The following THSD7A variants were observed in gnomAD, a reference collection of about 807,000 sequenced individuals.
THSD7A encodes thrombospondin type-1 domain-containing protein 7A.
In THSD7A, 96 loss-of-function variants were observed where a neutral mutation model predicts 231.3. The observed-to-expected ratio is 0.41, with a 90% CI of 0.35 to 0.49. THSD7A has a LOEUF of 0.49. Ranked by LOEUF, THSD7A falls within the 20% of genes least tolerant of loss-of-function variation. THSD7A has a pLI of 0.05. For synonymous variants in THSD7A, 940 were observed against 743.3 expected (o/e 1.26, Z -4.30); for missense variants, 2,290 against 2,070.2 (o/e 1.11, Z -2.06).
chr7:11,392,547 T>G lies in THSD7A; in HGVS notation c.4411+9248A>C, dbSNP rs187349695. 7.1e-3 allele frequency among the ~76,000 whole-genome samples: 1,074 copies of G among 151,590 alleles called. 13 individuals are homozygous for G. The highest frequency in any genetic ancestry group is 0.025 in the African/African-American group (1,027 of 41,424). The stretch of plus-strand genomic sequence containing the variant: ...AGCAGGACCGAACTATTCACTCCCC[T>G]GGAAAGGGGGCTGAAGCCAGGGAGC... On this transcript the variant is annotated intron_variant, in intron 23 of 27. Coordinates refer to ENST00000423059, the MANE Select transcript of THSD7A (RefSeq NM_015204.3).
In THSD7A at chr7:11,769,135, ATATATATATATATATATATT is replaced by A. The variant is rs1488742385; in HGVS notation, c.190+62602_190+62621del. 7.4e-3 allele frequency among the ~76,000 whole-genome samples: 272 copies of A among 36,606 alleles called. 20 individuals are homozygous for A. The highest frequency in any genetic ancestry group is 0.013 in the Non-Finnish European group (214 of 16,338). The allele number at this position is 36,606 out of a possible 152,430, so 24.0% of individuals were successfully genotyped here. On this transcript the variant is annotated intron_variant, in intron 1 of 27. Coordinates refer to ENST00000423059, the MANE Select transcript of THSD7A (RefSeq NM_015204.3). ...ATAATTCCTGGCAATATATATATAT[ATATATATATATATATATATT>A]TTTTTTTTTTTTTGGTATTTTTGTA...
intron 1 of THSD7A, among the ~76,000 whole-genome samples, chr7:11,759,750 C>T (rs1179099863): frequency 6.6e-6 from 1 of 151,972 alleles, no homozygotes; most frequent in Non-Finnish European, 1.5e-5. Flanking sequence ...AAATATCTGT[C>T]AACCTAGAAT....
chr7:11,498,013 A>G (rs947303131), intron 6 of THSD7A, among the ~76,000 whole-genome samples: 2 of 152,120 alleles, frequency 1.3e-5, no homozygotes, highest in African/African-American at 4.8e-5. Flanking sequence ...AGCTATGTGG[A>G]GTCTTGGCAG....
At chr7:11,663,539 T>A (rs1199112403) in intron 1 of THSD7A, among the ~76,000 whole-genome samples, 1 of 151,714 alleles carries the variant, frequency 6.6e-6, no homozygotes, top group East Asian at 1.9e-4. Flanking sequence ...TATGAGCTTA[T>A]GTTGTAGAGT....
chr7:11,794,050 G>A (rs1244184535), intron 1 of THSD7A, among the ~76,000 whole-genome samples: 1 of 151,770 alleles, frequency 6.6e-6, no homozygotes, highest in African/African-American at 2.4e-5. Flanking sequence ...ATAATTGGAA[G>A]AAACAGGAAT....
intron 1 of THSD7A, among the ~76,000 whole-genome samples, chr7:11,756,085 C>T (rs1782665098): frequency 6.6e-6 from 1 of 152,044 alleles, no homozygotes; most frequent in Non-Finnish European, 1.5e-5. Flanking sequence ...TTAAATGTCA[C>T]TATATTCCAG....
chr7:11,424,079 T>C (rs922873104), intron 16 of THSD7A, among the ~76,000 whole-genome samples: 3 of 152,224 alleles, frequency 2.0e-5, no homozygotes, highest in East Asian at 1.9e-4. Context: ...CAAAAAATAC[T>C]GTATGTCTGC....
At chr7:11,658,449 T>C (rs1326877353) in intron 1 of THSD7A, among the ~76,000 whole-genome samples, 1 of 151,616 alleles carries the variant, frequency 6.6e-6, no homozygotes, top group Non-Finnish European at 1.5e-5. Flanking sequence ...TTTTTTTCAC[T>C]CAGATGGTGT....
At chr7:11,772,217 AC>A (rs919279871) in intron 1 of THSD7A, among the ~76,000 whole-genome samples, 1 of 151,890 alleles carries the variant, frequency 6.6e-6, no homozygotes, top group South Asian at 2.1e-4. Flanking sequence ...ACAAAAAAAA[AC>A]AAAACAAAAC....
intron 1 of THSD7A, among the ~76,000 whole-genome samples, chr7:11,719,617 C>T (rs1436868512): frequency 6.6e-6 from 1 of 151,610 alleles, no homozygotes; most frequent in Non-Finnish European, 1.5e-5. Context: ...GTGATCCCCT[C>T]AATGAGTTAT....
chr7:11,413,741 C>T (rs1236837641), intron 17 of THSD7A: 1 of 152,204 alleles, frequency 6.6e-6, no homozygotes, highest in Non-Finnish European at 1.5e-5. Flanking sequence ...CTAGCTACTC[C>T]TGCAGATGAC....
intron 1 of THSD7A, among the ~76,000 whole-genome samples, chr7:11,731,368 T>C (rs956082026): frequency 2.0e-5 from 3 of 151,670 alleles, no homozygotes; most frequent in African/African-American, 7.2e-5. Flanking sequence ...GAAAATAGAT[T>C]CTTCTTAATA....
At chr7:11,476,359 A>AC (rs1342744199) in intron 7 of THSD7A, among the ~76,000 whole-genome samples, 5 of 147,700 alleles carry the variant, frequency 3.4e-5, no homozygotes, top group Non-Finnish European at 7.4e-5. Flanking sequence ...ACACACACAC[A>AC]CACCATTTTT....
At chr7:11,732,638 TCCA>T (rs772775756) in intron 1 of THSD7A, among the ~76,000 whole-genome samples, 1 of 151,704 alleles carries the variant, frequency 6.6e-6, no homozygotes. Flanking sequence ...AACCACCACT[TCCA>T]CCACCACCAC....
At chr7:11,718,744 T>C (rs1162415558) in intron 1 of THSD7A, among the ~76,000 whole-genome samples, 1 of 151,646 alleles carries the variant, frequency 6.6e-6, no homozygotes, top group Non-Finnish European at 1.5e-5. Context: ...GTGGAACTTA[T>C]AGAGCTCTAA....
At chr7:11,403,359 C>T (rs769713280) in intron 22 of THSD7A, among the ~76,000 whole-genome samples, 2 of 151,998 alleles carry the variant, frequency 1.3e-5, no homozygotes, top group South Asian at 2.1e-4. Flanking sequence ...TTTTTGTAGG[C>T]CTTTATTAAA....
intron 6 of THSD7A, among the ~76,000 whole-genome samples, chr7:11,513,466 G>C (rs185243710): frequency 2.1e-4 from 32 of 152,188 alleles, no homozygotes; most frequent in African/African-American, 7.2e-4. Flanking sequence ...ACCATAAAAA[G>C]GAATGAAGTA....
chr7:11,636,635 T>C lies in THSD7A; in HGVS notation c.517A>G (p.Ile173Val). 2 of 1,613,430 alleles carry C rather than the reference T, an allele frequency of 1.2e-6. No homozygotes were observed. Among genetic ancestry groups the C allele is most frequent in the Non-Finnish European group, 1.7e-6 (2 of 1,179,374 alleles). ...KDKDIPAEDI[I>V]CEYFEPKPLL... ...GGCTTGGGCTCAAAGTACTCACAGATGATATCCTCCGCAGGAATGTCTTTG... is the reference window on the plus strand; with the variant it reads ...GGCTTGGGCTCAAAGTACTCACAGACGATATCCTCCGCAGGAATGTCTTTG... The change falls in exon 2 of 28, where the codon ATC (isoleucine) becomes GTC (valine). Residue 173 changes from isoleucine to valine, a missense_variant. Physicochemically the swap from Ile to Val is conservative, Grantham distance 29. Transcript: ENST00000423059. This position sits in a 1 kb window ranked among gnomAD's most constrained non-coding sequence, Gnocchi z 10.0.
At chr7:11,588,201 T>C (rs1327455110) in intron 4 of THSD7A, among the ~76,000 whole-genome samples, 1 of 152,176 alleles carries the variant, frequency 6.6e-6, no homozygotes, top group East Asian at 1.9e-4. Flanking sequence ...AGCCTAATTG[T>C]TCTCCATTCA....
Sources: gnomAD v4.1 joint callset for allele counts (sites outside exome capture counted in the v4.1 genomes callset) on GRCh38, gnomAD v4.1.1 for gene constraint, Gnocchi (gnomAD v3.1) non-coding constraint, MANE v1.5 for transcripts, NCBI Gene and HGNC (gene_info 2026-07-23, HGNC 2026-07-21) for gene names.